The following MTUS2 variants were observed in gnomAD, a reference collection of about 807,000 sequenced individuals.
MTUS2 encodes microtubule-associated tumor suppressor candidate 2.
Under a neutral mutation model 114.1 loss-of-function variants are expected in MTUS2, and 40 were observed. That is an observed-to-expected ratio of 0.35 (90% confidence interval 0.27 to 0.46). MTUS2 has a LOEUF of 0.46. MTUS2 is among the 20% of genes least tolerant of loss of function. The pLI, the probability that MTUS2 is intolerant of heterozygous loss-of-function variation, is 1.00. For synonymous variants in MTUS2, 688 were observed against 672.0 expected, an observed-to-expected ratio of 1.02 and a Z score of -0.37; for missense variants, 1,679 against 1,705.4, an observed-to-expected ratio of 0.98 and a Z score of 0.27.
chr13:28,889,685 A>G (rs1310834396), intron 2 of MTUS2, among the ~76,000 whole-genome samples: 1 of 152,164 alleles, frequency 6.6e-6, no homozygotes, highest in Non-Finnish European at 1.5e-5. Context: ...CTGGGGAAAC[A>G]TGGACAAAAC....
rs1383289750 is a variant in MTUS2, at chr13:29,480,084, A to C, written c.3185-66A>C. On this transcript the variant is annotated intron_variant, in intron 9 of 15. Transcript: ENST00000612955. This position sits in a 1 kb window ranked among gnomAD's most constrained non-coding sequence, Gnocchi z 4.4. ...GCCAGCCTTGATGATCTGACCATGG[A>C]GGCTGAGTCCTTCCCATGCCTCCTA... 4 of 1,486,008 alleles carry C rather than the reference A, an allele frequency of 2.7e-6. No homozygotes were observed. Among genetic ancestry groups the C allele is most frequent in the African/African-American group, 2.8e-5 (2 of 71,542 alleles). The allele number at this position is 1,486,008 out of a possible 1,614,324, so 92.1% of individuals were successfully genotyped here. A position where few individuals can be genotyped will look rare whatever the true frequency, so the allele number is the denominator to read the frequency against.
At chr13:29,181,484 C>G (rs1894002047) in intron 5 of MTUS2, among the ~76,000 whole-genome samples, 1 of 152,064 alleles carries the variant, frequency 6.6e-6, no homozygotes, top group Admixed American at 6.6e-5. Flanking sequence ...CTGATGCCAG[C>G]ACTTTTTGAA....
chr13:29,502,088 G>A (rs1383090390), intron 15 of MTUS2, among the ~76,000 whole-genome samples: 1 of 152,188 alleles, frequency 6.6e-6, no homozygotes, highest in East Asian at 1.9e-4. Flanking sequence ...TAAGCCCCTA[G>A]TGCAGGCATT....
chr13:29,057,040 T>C (rs1212568728), intron 4 of MTUS2, among the ~76,000 whole-genome samples: 1 of 152,150 alleles, frequency 6.6e-6, no homozygotes, highest in Non-Finnish European at 1.5e-5. Context: ...TTTCTTGATA[T>C]CTGCCTTAAT....
chr13:28,842,269 A>C (rs2137992271), intron 2 of MTUS2, among the ~76,000 whole-genome samples: 1 of 152,182 alleles, frequency 6.6e-6, no homozygotes, highest in East Asian at 1.9e-4. Flanking sequence ...GATAAAGAAG[A>C]CTTAGATCAG....
At chr13:28,826,942 C>T (rs1023140381) in intron 1 of MTUS2, among the ~76,000 whole-genome samples, 16 of 152,178 alleles carry the variant, frequency 1.1e-4, no homozygotes, top group African/African-American at 3.9e-4. Context: ...GAGAAGTAAT[C>T]TCAAATCATC....
chr13:29,428,657 C>T (rs924402827), intron 8 of MTUS2: 7 of 1,237,062 alleles, frequency 5.7e-6, no homozygotes, highest in Non-Finnish European at 6.2e-6. Context: ...TGCTCTCCTC[C>T]TCCTCTCATT....
chr13:29,441,190 C>A (rs1877825918), intron 9 of MTUS2, among the ~76,000 whole-genome samples: 2 of 151,958 alleles, frequency 1.3e-5, no homozygotes, highest in African/African-American at 2.4e-5. Flanking sequence ...ACCCGGACAC[C>A]CCTTCTCCCC....
chr13:29,121,866 G>T (rs1485858093), intron 5 of MTUS2, among the ~76,000 whole-genome samples: 5 of 151,900 alleles, frequency 3.3e-5, no homozygotes, highest in African/African-American at 1.2e-4. Context: ...CTCCATGTTG[G>T]TCAGGTTGGT....
chr13:28,925,369 A>C (rs1051109452), intron 2 of MTUS2, among the ~76,000 whole-genome samples: 1 of 152,264 alleles, frequency 6.6e-6, no homozygotes, highest in African/African-American at 2.4e-5. Context: ...CATTGAGTAC[A>C]TGAAAATGAA....
chr13:29,074,315 A>C (rs1889084040), intron 4 of MTUS2, among the ~76,000 whole-genome samples: 2 of 151,952 alleles, frequency 1.3e-5, no homozygotes, highest in Non-Finnish European at 2.9e-5. Context: ...CCAGTAACCT[A>C]TTCCTTGCTT....
At chr13:29,068,086 T>G (rs892895594) in intron 4 of MTUS2, among the ~76,000 whole-genome samples, 1 of 152,216 alleles carries the variant, frequency 6.6e-6, no homozygotes, top group African/African-American at 2.4e-5. Flanking sequence ...AGTGAATTAC[T>G]GAGATGGTGT....
At chr13:28,993,043 C>T (rs1030148044) in intron 2 of MTUS2, among the ~76,000 whole-genome samples, 1 of 152,160 alleles carries the variant, frequency 6.6e-6, no homozygotes. Context: ...CCTCAAGGTT[C>T]CATGTTGCAG....
rs572026725 is a variant in MTUS2 at position 29,051,227 on chromosome 13, C to T, written c.2446+17102C>T. 4.6e-5 allele frequency among the ~76,000 whole-genome samples: 7 copies of T among 152,018 alleles called. No individual in the cohort carries two copies. In the South Asian group the frequency reaches 1.5e-3, roughly 32 times the overall value. On this transcript the variant is annotated intron_variant, in intron 4 of 15. Coordinates refer to ENST00000612955, the MANE Select transcript of MTUS2 (RefSeq NM_001033602.4). Reference sequence around the variant, plus strand: ...ATTGGGATACATTTTGGAGGTAGAGCCAATAGGATTGGACTCTGAGCACGG... The same window carrying T: ...ATTGGGATACATTTTGGAGGTAGAGTCAATAGGATTGGACTCTGAGCACGG...
At chr13:29,305,406 GAAGAA>G (rs1470891104) in intron 6 of MTUS2, among the ~76,000 whole-genome samples, 7 of 151,906 alleles carry the variant, frequency 4.6e-5, no homozygotes, top group African/African-American at 1.7e-4. Flanking sequence ...GACTAATAAA[GAAGAA>G]AAGAGAGAAG....
At chr13:29,350,174 A>G (rs529296797) in intron 7 of MTUS2, among the ~76,000 whole-genome samples, 1 of 151,966 alleles carries the variant, frequency 6.6e-6, no homozygotes, top group Non-Finnish European at 1.5e-5. Context: ...ACAGTTCTGT[A>G]TGTTAGACAT....
intron 5 of MTUS2, among the ~76,000 whole-genome samples, chr13:29,272,978 G>A (rs1303274235): frequency 4.0e-5 from 6 of 151,594 alleles, no homozygotes; most frequent in African/African-American, 1.5e-4. Flanking sequence ...GAAGGAATGT[G>A]GAAACAGGGA....
intron 4 of MTUS2, among the ~76,000 whole-genome samples, chr13:29,054,602 A>G (rs1888046043): frequency 6.6e-6 from 1 of 152,136 alleles, no homozygotes; most frequent in Non-Finnish European, 1.5e-5. Flanking sequence ...CAACAGTTTA[A>G]GTATACTTAA....
chr13:28,960,919 A>G (rs1036573081), intron 2 of MTUS2, among the ~76,000 whole-genome samples: 20 of 152,196 alleles, frequency 1.3e-4, no homozygotes, highest in African/African-American at 4.6e-4. Flanking sequence ...CTTGAAAAAA[A>G]CGAAAGTCTC....
Sources: gnomAD v4.1 joint callset for allele counts (sites outside exome capture counted in the v4.1 genomes callset) on GRCh38, gnomAD v4.1.1 for gene constraint, Gnocchi (gnomAD v3.1) non-coding constraint, MANE v1.5 for transcripts, NCBI Gene and HGNC (gene_info 2026-07-23, HGNC 2026-07-21) for gene names.